Variants in DTWD2 observed in about 807,000 individuals in gnomAD.
The protein encoded by DTWD2 is DTW motif tRNA-uridine aminocarboxypropyltransferase 2.
In DTWD2, 39 loss-of-function variants were observed where a neutral mutation model predicts 31.8. That is an observed-to-expected ratio of 1.22 (90% CI 0.95 to 1.60). The LOEUF (loss-of-function observed/expected upper bound fraction) is 1.60, where lower values mean the gene tolerates loss of function less well. Among genes scored for constraint, DTWD2 ranks in the 40% most tolerant of loss-of-function variants. The pLI, the probability that DTWD2 is intolerant of heterozygous loss-of-function variation, is 0.00. For missense variants in DTWD2, 515 were observed against 381.5 expected, an observed-to-expected ratio of 1.35 and a Z score of -2.92; for synonymous variants, 180 against 142.8, an observed-to-expected ratio of 1.26 and a Z score of -1.86.
intron 1 of DTWD2, among the ~76,000 whole-genome samples, chr5:118,985,286 A>G (rs988028774): frequency 6.6e-6 from 1 of 151,922 alleles, no homozygotes; most frequent in African/African-American, 2.4e-5. Context: ...TAGAATCCAG[A>G]TTAAATATTT....
At chr5:118,926,539 A>G (rs955729275) in intron 4 of DTWD2, among the ~76,000 whole-genome samples, 1 of 152,166 alleles carries the variant, frequency 6.6e-6, no homozygotes, top group African/African-American at 2.4e-5. Flanking sequence ...AGCTATTGAA[A>G]TTTTAAAAAA....
Position 118,846,920 on chromosome 5 carries a change from GCACACACACACACACA to G in DTWD2, c.726+1154_726+1169del, listed in dbSNP as rs144531960. ...AAACAAAGTCTACTCAAACACACAG[GCACACACACACACACA>G]CACACACACACACACACACACACAC... On this transcript the variant is annotated intron_variant, in intron 5 of 5. Coordinates refer to ENST00000510708, the MANE Select transcript of DTWD2 (RefSeq NM_173666.4). 5.7e-3 allele frequency among the ~76,000 whole-genome samples: 771 copies of G among 134,980 alleles called. 2 individuals are homozygous for G. The highest frequency in any genetic ancestry group is 8.0e-3 in the Non-Finnish European group (501 of 62,246). The allele number at this position is 134,980 out of a possible 152,430, so 88.6% of individuals were successfully genotyped here.
intron 4 of DTWD2, among the ~76,000 whole-genome samples, chr5:118,879,195 C>T (rs921506102): frequency 2.0e-5 from 3 of 152,158 alleles, no homozygotes; most frequent in Non-Finnish European, 2.9e-5. Context: ...CGTGTATCTT[C>T]ACTGCAGCAC....
intron 4 of DTWD2, among the ~76,000 whole-genome samples, chr5:118,855,194 T>A (rs920396398): frequency 6.7e-6 from 1 of 148,388 alleles, no homozygotes; most frequent in Non-Finnish European, 1.5e-5. Flanking sequence ...ATCATCATTT[T>A]CGGACCTGTA....
intron 4 of DTWD2, among the ~76,000 whole-genome samples, chr5:118,916,146 T>C (rs1580804312): frequency 6.6e-6 from 1 of 152,190 alleles, no homozygotes; most frequent in African/African-American, 2.4e-5. Context: ...CAACGAAGCA[T>C]TCAGACCCAC....
chr5:118,917,294 A>G (rs1255050608), intron 4 of DTWD2, among the ~76,000 whole-genome samples: 1 of 152,226 alleles, frequency 6.6e-6, no homozygotes, highest in East Asian at 1.9e-4. Flanking sequence ...GACATCTTAC[A>G]AAAAGAGTAG....
intron 1 of DTWD2, among the ~76,000 whole-genome samples, chr5:118,956,844 T>C (rs993770598): frequency 6.6e-6 from 1 of 152,156 alleles, no homozygotes; most frequent in African/African-American, 2.4e-5. Flanking sequence ...ATTCAACTAG[T>C]TGAATAGATA....
chr5:118,904,305 C>T (rs1342571953), intron 4 of DTWD2, among the ~76,000 whole-genome samples: 2 of 152,036 alleles, frequency 1.3e-5, no homozygotes, highest in African/African-American at 4.8e-5. Context: ...TATTCACTAA[C>T]ATATACCAAT....
At chr5:118,882,274 A>G (rs543301798) in intron 4 of DTWD2, among the ~76,000 whole-genome samples, 40 of 152,342 alleles carry the variant, frequency 2.6e-4, no homozygotes, top group African/African-American at 9.4e-4. Flanking sequence ...AGTTGATGCA[A>G]CAGGAGGGCT....
intron 4 of DTWD2, among the ~76,000 whole-genome samples, chr5:118,920,506 A>G (rs909998469): frequency 3.9e-5 from 6 of 152,152 alleles, no homozygotes; most frequent in African/African-American, 1.4e-4. Context: ...CTTTAAACAC[A>G]GTTCATTTTG....
intron 4 of DTWD2, among the ~76,000 whole-genome samples, chr5:118,857,883 C>G (rs1232352837): frequency 6.6e-6 from 1 of 152,188 alleles, no homozygotes; most frequent in Non-Finnish European, 1.5e-5. Flanking sequence ...GGTTGTGCAA[C>G]TGGACTTACT....
intron 4 of DTWD2, among the ~76,000 whole-genome samples, chr5:118,905,150 A>T (rs1320026163): frequency 6.6e-6 from 1 of 152,142 alleles, no homozygotes; most frequent in African/African-American, 2.4e-5. Flanking sequence ...CATATGTTTT[A>T]AAAATAAAAC....
intron 1 of DTWD2, among the ~76,000 whole-genome samples, chr5:118,954,042 G>A (rs966999988): frequency 2.0e-5 from 3 of 152,206 alleles, no homozygotes; most frequent in Non-Finnish European, 4.4e-5. Flanking sequence ...AAGCTGAGGA[G>A]AAAGGATCAC....
At chr5:118,984,790 G>C (rs1244224954) in intron 1 of DTWD2, among the ~76,000 whole-genome samples, 2 of 152,018 alleles carry the variant, frequency 1.3e-5, no homozygotes, top group African/African-American at 4.8e-5. Flanking sequence ...ATTTGCAAGT[G>C]GTTTATGACT....
chr5:118,975,876 A>T (rs886306445), intron 1 of DTWD2, among the ~76,000 whole-genome samples: 2 of 152,206 alleles, frequency 1.3e-5, no homozygotes, highest in Non-Finnish European at 2.9e-5. Context: ...TCCACCCCAA[A>T]TCAACAGAAT....
At chr5:118,867,866 C>T (rs778169156) in intron 4 of DTWD2, among the ~76,000 whole-genome samples, 8 of 152,114 alleles carry the variant, frequency 5.3e-5, no homozygotes, top group East Asian at 1.9e-4. Context: ...TACAAACCAA[C>T]GCAATTCCTA....
chr5:118,890,955 C>T (rs1317453086), intron 4 of DTWD2, among the ~76,000 whole-genome samples: 3 of 151,344 alleles, frequency 2.0e-5, no homozygotes, highest in Non-Finnish European at 4.4e-5. Flanking sequence ...GTGCAAGTTC[C>T]TTAGTAAGCA....
At chr5:118,981,457 G>A (rs1027319178) in intron 1 of DTWD2, among the ~76,000 whole-genome samples, 3 of 152,024 alleles carry the variant, frequency 2.0e-5, no homozygotes, top group African/African-American at 7.2e-5. Flanking sequence ...TCTACCCTTT[G>A]CAAGGTCAAC....
At chr5:118,879,171 T>A (rs1223686870) in intron 4 of DTWD2, among the ~76,000 whole-genome samples, 1 of 152,180 alleles carries the variant, frequency 6.6e-6, no homozygotes, top group Non-Finnish European at 1.5e-5. Flanking sequence ...CATTCTATTA[T>A]AAAGATACAT....
Sources: allele counts gnomAD v4.1 joint callset (sites outside exome capture counted in the v4.1 genomes callset), GRCh38; gene constraint gnomAD v4.1.1; transcripts MANE v1.5; gene names NCBI Gene and HGNC (gene_info 2026-07-23, HGNC 2026-07-21).